CAPRIN2: variants seen among roughly 807,000 people sequenced by gnomAD.
CAPRIN2 encodes caprin-2.
CAPRIN2 carries 66 observed loss-of-function variants against 130.4 expected under a neutral mutation model. That is an observed-to-expected ratio of 0.51 (90% CI 0.42 to 0.62). The LOEUF is 0.62. CAPRIN2 is among the 20% of genes least tolerant of loss of function. The pLI is 0.00. For synonymous variants in CAPRIN2, 471 were observed against 444.1 expected, an observed-to-expected ratio of 1.06 and a Z score of -0.76; for missense variants, 1,185 against 1,246.6, an observed-to-expected ratio of 0.95 and a Z score of 0.74.
At chr12:30,735,247 C>G in intron 3 of CAPRIN2, 41 bp from the exon 5 acceptor site, 1 of 1,456,136 alleles carries the variant, frequency 6.9e-7, no homozygotes, top group African/African-American at 1.4e-5. Flanking sequence ...CAATTCTCTA[C>G]CATCCCATAT....
chr12:30,711,886 G>C, intron 15 of CAPRIN2: 7 of 608,100 alleles, frequency 1.2e-5, no homozygotes. Context: ...AAAGCACTTG[G>C]AGAATACTAT....
chr12:30,731,575 T>A (rs143919138), intron 5 of CAPRIN2, 65 bp from the exon 7 acceptor site: 12 of 1,327,184 alleles, frequency 9.0e-6, no homozygotes, highest in Non-Finnish European at 1.3e-5. Context: ...GGAATAGAAA[T>A]CCTAATTTTA....
intron 9 of CAPRIN2, among the ~76,000 whole-genome samples, chr12:30,725,481 TTC>T (rs1246962611): frequency 6.6e-6 from 1 of 152,254 alleles, no homozygotes; most frequent in Non-Finnish European, 1.5e-5. Context: ...CATTCTCAAA[TTC>T]TGTGTCTGTA....
intron 13 of CAPRIN2, chr12:30,716,238 T>A (rs1185018863): frequency 1.5e-5 from 5 of 339,158 alleles, no homozygotes; most frequent in Non-Finnish European, 2.7e-5. Flanking sequence ...CTGTCTGTGG[T>A]AATCAAAGCA....
chr12:30,720,782 AAAAG>A, intron 12 of CAPRIN2, 25 bp downstream of exon 13: 1 of 1,308,992 alleles, frequency 7.6e-7, no homozygotes, highest in East Asian at 2.3e-5. Flanking sequence ...TTTAAGATAC[AAAAG>A]AAATTAAGAC....
chr12:30,739,948 C>T (rs2066652909), intron 3 of CAPRIN2, among the ~76,000 whole-genome samples: 2 of 152,092 alleles, frequency 1.3e-5, no homozygotes, highest in South Asian at 4.1e-4. Context: ...TACTGGGTAA[C>T]TCTGAGTAAA....
At chr12:30,713,789 T>C in exon 15 of CAPRIN2, 3 of 1,578,194 alleles carry the variant, frequency 1.9e-6, no homozygotes, top group Non-Finnish European at 2.6e-6. Flanking sequence ...ACTTACCCTT[T>C]GGGAATAAGG....
chr12:30,712,067 G>A (rs61923727), intron 15 of CAPRIN2, among the ~76,000 whole-genome samples: 2 of 151,682 alleles, frequency 1.3e-5, no homozygotes, highest in East Asian at 3.9e-4. Context: ...TGGGGTTTGG[G>A]AATTTTTTTT....
At position 30,751,907 on chromosome 12, in the gene CAPRIN2, G is replaced by GTTTTTTTTTTTT. The variant is rs1565723364; in HGVS notation, c.421-775_421-774insAAAAAAAAAAAA. 1.6e-5 allele frequency among the ~76,000 whole-genome samples: 2 copies of GTTTTTTTTTTTT among 123,538 alleles called. 1 individual carries two copies. 81.0% of individuals were successfully genotyped at this position (123,538 alleles called of 152,430 possible). On this transcript the variant is annotated intron_variant, in intron 1 of 16. Coordinates refer to ENST00000298892, the Ensembl canonical transcript of CAPRIN2. ...ATAATAATGACATAAACCCACTATG[G>GTTTTTTTTTTTT]TATTTTTTTTTTTTTTTTTTTTTTT...
chr12:30,739,803 A>T (rs1304045331), intron 3 of CAPRIN2, among the ~76,000 whole-genome samples: 1 of 152,086 alleles, frequency 6.6e-6, no homozygotes, highest in East Asian at 1.9e-4. Flanking sequence ...AACTTCCCAG[A>T]CTATTGTAAA....
At chr12:30,730,132 C>A in intron 7 of CAPRIN2, 107 bp downstream of exon 8, 1 of 860,440 alleles carries the variant, frequency 1.2e-6, no homozygotes, top group East Asian at 2.5e-5. Context: ...ACTGCAGAAC[C>A]AGGGTTCAAG....
chr12:30,744,366 T>G (rs933689725), intron 2 of CAPRIN2, among the ~76,000 whole-genome samples: 8 of 152,236 alleles, frequency 5.3e-5, no homozygotes, highest in Admixed American at 5.2e-4. Flanking sequence ...GTACCATTTC[T>G]GATGCCTTTG....
chr12:30,721,021 G>A, intron 11 of CAPRIN2, 106 bp from the exon 13 acceptor site: 1 of 741,012 alleles, frequency 1.3e-6, no homozygotes, highest in Non-Finnish European at 2.4e-6. Context: ...ACACGCACAT[G>A]TGTCAAGCAC....
exon 1 of CAPRIN2, chr12:30,754,296 C>G (rs1277903861): frequency 6.5e-6 from 1 of 153,416 alleles, no homozygotes; most frequent in Admixed American, 6.5e-5. Flanking sequence ...TTCTAGCGAG[C>G]CCTTCCCGTG....
At chr12:30,740,932 C>G in intron 3 of CAPRIN2, 88 bp downstream of exon 4, 1 of 733,810 alleles carries the variant, frequency 1.4e-6, no homozygotes, top group Admixed American at 2.5e-5. Flanking sequence ...AATAACCAAA[C>G]ACCATTACTA....
At chr12:30,750,923 A>G (rs2073482680) in intron 2 of CAPRIN2, 148 bp downstream of exon 3, 3 of 647,502 alleles carry the variant, frequency 4.6e-6, no homozygotes, top group Non-Finnish European at 8.2e-6. Flanking sequence ...ACAGGCACAA[A>G]CAACAAAGTC....
At chr12:30,745,181 T>C (rs2069423420) in intron 2 of CAPRIN2, among the ~76,000 whole-genome samples, 1 of 152,230 alleles carries the variant, frequency 6.6e-6, no homozygotes, top group South Asian at 2.1e-4. Flanking sequence ...TACCACATTC[T>C]AATTCTTTAA....
Position 30,731,630 on chromosome 12 carries a change from T to C in CAPRIN2, c.893-120A>G, listed in dbSNP as rs35687391. ...TTACAATAGTTTACATTGATGTACA[T>C]AGTACATCCTTACAATAGTTTACAA... On this transcript the variant is annotated intron_variant, in intron 5 of 16. Coordinates refer to ENST00000298892, the Ensembl canonical transcript of CAPRIN2. 1,657 of 755,298 alleles carry C rather than the reference T, an allele frequency of 2.2e-3. 3 individuals carry two copies. Among genetic ancestry groups the C allele is most frequent in the Non-Finnish European group, 3.1e-3 (1,435 of 466,132 alleles). 46.8% of individuals were successfully genotyped at this position (755,298 alleles called of 1,614,324 possible).
intron 10 of CAPRIN2, among the ~76,000 whole-genome samples, chr12:30,723,721 T>C (rs1029055013): frequency 6.6e-6 from 1 of 152,222 alleles, no homozygotes; most frequent in Admixed American, 6.5e-5. Flanking sequence ...TTTTTCTGAT[T>C]ATATATATTA....
Sources: allele counts gnomAD v4.1 joint callset (sites outside exome capture counted in the v4.1 genomes callset), GRCh38; gene constraint gnomAD v4.1.1; transcripts MANE v1.5; gene names NCBI Gene and HGNC (gene_info 2026-07-23, HGNC 2026-07-21).